AGTPBP1: variants seen among roughly 807,000 people sequenced by gnomAD.
AGTPBP1 encodes the protein cytosolic carboxypeptidase 1.
AGTPBP1 carries 70 observed loss-of-function variants against 143.9 expected under a neutral mutation model. The ratio of observed to expected loss-of-function variants is 0.49; its 90% CI spans 0.40 to 0.59. The LOEUF is 0.59. AGTPBP1 is among the 20% of genes least tolerant of loss of function. The pLI is 0.00. For missense variants in AGTPBP1, 1,229 were observed against 1,464.5 expected (o/e 0.84, Z 2.62); for synonymous variants, 463 against 500.2 (o/e 0.93, Z 0.99).
At chr9:85,728,534 T>C (rs1422333715) in intron 1 of AGTPBP1, among the ~76,000 whole-genome samples, 1 of 152,160 alleles carries the variant, frequency 6.6e-6, no homozygotes, top group Non-Finnish European at 1.5e-5. Context: ...TTTTTCTTAC[T>C]TAACAAGCAC....
the AGTPBP1 span, among the ~76,000 whole-genome samples, chr9:85,773,281 AAAAAAG>A: frequency 6.8e-6 from 1 of 146,944 alleles, no homozygotes; most frequent in African/African-American, 2.5e-5. Context: ...AAAAAAAAAA[AAAAAAG>A]AAAGTGTCAT....
At chr9:85,788,470 T>C in the AGTPBP1 span, among the ~76,000 whole-genome samples, 4 of 150,014 alleles carry the variant, frequency 2.7e-5, no homozygotes, top group Non-Finnish European at 4.4e-5. Flanking sequence ...TGTATATCCA[T>C]AGGTAAAACA....
intron 6 of AGTPBP1, among the ~76,000 whole-genome samples, chr9:85,675,566 C>G (rs1037862472): frequency 1.3e-5 from 2 of 152,186 alleles, no homozygotes; most frequent in East Asian, 3.8e-4. Context: ...CTTCTAGCCT[C>G]AACAATACCC....
upstream of AGTPBP1, among the ~76,000 whole-genome samples, chr9:85,744,817 G>A (rs1297977817): frequency 4.6e-5 from 7 of 152,216 alleles, no homozygotes; most frequent in Admixed American, 4.6e-4. Context: ...GGGACCCTTT[G>A]CTTACTATCT....
At chr9:85,732,210 CT>C (rs144655182) in intron 1 of AGTPBP1, among the ~76,000 whole-genome samples, 3,426 of 120,980 alleles carry the variant, frequency 0.028, 25 homozygotes, top group African/African-American at 0.091. Flanking sequence ...GACTATGACC[CT>C]TTTTTTTTTT....
intron 1 of AGTPBP1, among the ~76,000 whole-genome samples, chr9:85,735,864 T>G (rs1157722389): frequency 6.6e-6 from 1 of 152,198 alleles, no homozygotes; most frequent in Non-Finnish European, 1.5e-5. Context: ...TTTATTATTG[T>G]TTTTAATCCC....
chr9:85,747,581 T>C, the AGTPBP1 span, among the ~76,000 whole-genome samples: 2 of 152,140 alleles, frequency 1.3e-5, no homozygotes. Flanking sequence ...GTACCAGTAG[T>C]ATTTTACCTC....
chr9:85,572,019 T>G lies in AGTPBP1; in HGVS notation c.3503+3296A>C, dbSNP rs1186844689. On this transcript the variant is annotated intron_variant, in intron 25 of 25. Coordinates refer to ENST00000357081, the MANE Select transcript of AGTPBP1 (RefSeq NM_001330701.2). Reference sequence around the variant, plus strand: ...GTTTGTGTGTGTTTTTTTTTTTTTTTTTTTTTTTTTTTTTTTTTTTTTTTT... The same window carrying G: ...GTTTGTGTGTGTTTTTTTTTTTTTTGTTTTTTTTTTTTTTTTTTTTTTTTT... Among the ~76,000 whole-genome samples, 80 of 37,876 alleles carry G rather than the reference T, an allele frequency of 2.1e-3. 1 individual carries two copies. Among genetic ancestry groups the G allele is most frequent in the African/African-American group, 0.017 (70 of 4,008 alleles). The allele number at this position is 37,876 out of a possible 152,430, so 24.8% of individuals were successfully genotyped here.
intron 2 of AGTPBP1, among the ~76,000 whole-genome samples, chr9:85,698,679 C>CTTTTTTTTTTTTTTT (rs34248388): frequency 1.3e-5 from 1 of 76,568 alleles, no homozygotes; most frequent in Non-Finnish European, 2.3e-5. Flanking sequence ...CCACCTAACC[C>CTTTTTTTTTTTTTTT]TTTTTTTTTT....
chr9:85,585,156 C>A (rs1189494742), intron 23 of AGTPBP1, among the ~76,000 whole-genome samples: 1 of 151,966 alleles, frequency 6.6e-6, no homozygotes, highest in Non-Finnish European at 1.5e-5. Context: ...GCAATACATC[C>A]ATATATACAA....
chr9:85,700,915 A>G (rs545674986), intron 2 of AGTPBP1, among the ~76,000 whole-genome samples: 1 of 151,956 alleles, frequency 6.6e-6, no homozygotes, highest in Non-Finnish European at 1.5e-5. Context: ...TAAACACACT[A>G]TACTTTTTTT....
At chr9:85,689,066 C>A (rs1835675306) in intron 3 of AGTPBP1, among the ~76,000 whole-genome samples, 1 of 152,128 alleles carries the variant, frequency 6.6e-6, no homozygotes, top group African/African-American at 2.4e-5. Context: ...AAGAAACTTG[C>A]TGTATGTAAT....
At chr9:85,707,913 G>A (rs1263402190) in intron 2 of AGTPBP1, among the ~76,000 whole-genome samples, 2 of 151,830 alleles carry the variant, frequency 1.3e-5, no homozygotes, top group African/African-American at 4.8e-5. Context: ...AGGCCTGTTC[G>A]GGGGTGGGGG....
At chr9:85,776,251 C>T in the AGTPBP1 span, among the ~76,000 whole-genome samples, 68 of 152,334 alleles carry the variant, frequency 4.5e-4, no homozygotes, top group African/African-American at 1.5e-3. Context: ...CAAGTGTATA[C>T]ATGCACAAAC....
chr9:85,775,965 A>C, the AGTPBP1 span, among the ~76,000 whole-genome samples: 1 of 152,180 alleles, frequency 6.6e-6, no homozygotes, highest in African/African-American at 2.4e-5. Flanking sequence ...CAGTCAAGTT[A>C]ACACTCGGTA....
chr9:85,619,203 T>TA lies in AGTPBP1; in HGVS notation c.2186+11dup. On this transcript the variant is annotated intron_variant, in intron 16 of 25. Coordinates refer to ENST00000357081, the MANE Select transcript of AGTPBP1 (RefSeq NM_001330701.2). Reference sequence around the variant, plus strand: ...GTGCACATACAAAATGAGAAAATCTTAAGTGACTTACTTTCTAATTTGAAT... The same window carrying TA: ...GTGCACATACAAAATGAGAAAATCTTAAAGTGACTTACTTTCTAATTTGAAT... The TA allele has an allele frequency of 1.2e-6, 2 of 1,610,702 alleles. No homozygotes were observed. The highest frequency in any genetic ancestry group is 1.3e-5 in the African/African-American group (1 of 74,914).
intron 11 of AGTPBP1, among the ~76,000 whole-genome samples, chr9:85,654,760 T>C (rs1295515845): frequency 6.6e-6 from 1 of 151,910 alleles, no homozygotes; most frequent in East Asian, 1.9e-4. Flanking sequence ...GGAGAATTGC[T>C]TGAACACGGG....
chr9:85,684,288 C>A (rs1293255732), intron 3 of AGTPBP1, among the ~76,000 whole-genome samples: 1 of 152,144 alleles, frequency 6.6e-6, no homozygotes, highest in Non-Finnish European at 1.5e-5. Context: ...ACTCTATATG[C>A]TCCTGTACCA....
chr9:85,772,937 T>C, the AGTPBP1 span, among the ~76,000 whole-genome samples: 1 of 152,010 alleles, frequency 6.6e-6, no homozygotes, highest in South Asian at 2.1e-4. Context: ...TAAGAAATTA[T>C]GGAAGGGTGA....
Sources: allele counts gnomAD v4.1 joint callset (sites outside exome capture counted in the v4.1 genomes callset), GRCh38; gene constraint gnomAD v4.1.1; transcripts MANE v1.5; gene names NCBI Gene and HGNC (gene_info 2026-07-23, HGNC 2026-07-21).